ST8SIA1: variants seen among roughly 807,000 people sequenced by gnomAD.
ST8SIA1 encodes the protein ST8 alpha-N-acetyl-neuraminide alpha-2,8-sialyltransferase 1.
ST8SIA1 carries 16 observed loss-of-function variants against 35.9 expected under a neutral mutation model. That is an observed-to-expected ratio of 0.45 (90% CI 0.30 to 0.68). The LOEUF is 0.68. ST8SIA1 is among the 30% of genes least tolerant of loss of function. The probability of loss-of-function intolerance (pLI) is 0.09; values close to 1 mark genes in which losing one functional copy is unlikely to be tolerated. For missense variants in ST8SIA1, 383 were observed against 453.6 expected, an observed-to-expected ratio of 0.84 and a Z score of 1.41; for synonymous variants, 170 against 169.6, an observed-to-expected ratio of 1.00 and a Z score of -0.02.
In ST8SIA1 at chr12:22,201,534, T is replaced by G. The variant is rs1261981072; in HGVS notation, c.*18A>C. On this transcript the variant is annotated 3_prime_UTR_variant, in exon 5 of 5. Transcript: ENST00000396037. Reference sequence around the variant, plus strand: ...TAACAAAAATACCCTGGTTCAGTCCTTTCTTCTTCCATTGTTCCTAGGAAG... The same window carrying G: ...TAACAAAAATACCCTGGTTCAGTCCGTTCTTCTTCCATTGTTCCTAGGAAG... The G allele has an allele frequency of 6.3e-7, 1 of 1,581,140 alleles. No homozygotes were observed. Among genetic ancestry groups the G allele is most frequent in the African/African-American group, 1.4e-5 (1 of 74,012 alleles).
chr12:22,244,990 C>A (rs1865583563), intron 4 of ST8SIA1, among the ~76,000 whole-genome samples: 1 of 152,184 alleles, frequency 6.6e-6, no homozygotes, highest in South Asian at 2.1e-4. Flanking sequence ...TTCTCTTTCA[C>A]TGCTCAGTTG....
intron 4 of ST8SIA1, among the ~76,000 whole-genome samples, chr12:22,205,254 C>G (rs1451325623): frequency 6.6e-6 from 1 of 151,912 alleles, no homozygotes; most frequent in Non-Finnish European, 1.5e-5. Flanking sequence ...TAACGTAGCT[C>G]AGAATATTTG....
chr12:22,243,952 A>T (rs1016121444), intron 4 of ST8SIA1, among the ~76,000 whole-genome samples: 6 of 151,784 alleles, frequency 4.0e-5, no homozygotes, highest in Non-Finnish European at 8.8e-5. Context: ...AATCTCTTGA[A>T]CCGGGAGGCA....
intron 1 of ST8SIA1, among the ~76,000 whole-genome samples, chr12:22,305,810 T>A (rs1055388182): frequency 4.6e-5 from 7 of 152,248 alleles, no homozygotes; most frequent in Non-Finnish European, 7.3e-5. Flanking sequence ...GAATGATCTT[T>A]GCTTGGGTAA....
intron 1 of ST8SIA1, among the ~76,000 whole-genome samples, chr12:22,303,639 C>T (rs978607689): frequency 3.9e-5 from 6 of 151,992 alleles, no homozygotes; most frequent in Non-Finnish European, 8.8e-5. Flanking sequence ...TTTTGTTTTG[C>T]TTAACTGTTT....
At chr12:22,284,161 T>C (rs1866067705) in intron 2 of ST8SIA1, among the ~76,000 whole-genome samples, 1 of 147,278 alleles carries the variant, frequency 6.8e-6, no homozygotes, top group South Asian at 2.2e-4. Context: ...ACACTGCATC[T>C]TTGTACCAAC....
At chr12:22,305,729 T>C (rs1384915270) in intron 1 of ST8SIA1, among the ~76,000 whole-genome samples, 2 of 152,166 alleles carry the variant, frequency 1.3e-5, no homozygotes, top group African/African-American at 2.4e-5. Flanking sequence ...CTCATACTTA[T>C]CCCTGGCAAA....
intron 4 of ST8SIA1, among the ~76,000 whole-genome samples, chr12:22,242,934 C>T (rs774288207): frequency 1.2e-4 from 19 of 152,158 alleles, no homozygotes; most frequent in Non-Finnish European, 2.2e-4. Flanking sequence ...TCTTTTTGTT[C>T]TGGGTACTGT....
chr12:22,275,781 T>C (rs1865962132), intron 2 of ST8SIA1, among the ~76,000 whole-genome samples: 1 of 152,216 alleles, frequency 6.6e-6, no homozygotes, highest in African/African-American at 2.4e-5. Context: ...GGAAACCAGA[T>C]GGGGCTCAGT....
At chr12:22,289,003 C>T (rs1866141562) in intron 1 of ST8SIA1, among the ~76,000 whole-genome samples, 1 of 152,172 alleles carries the variant, frequency 6.6e-6, no homozygotes, top group South Asian at 2.1e-4. Flanking sequence ...GCCTCAGCCT[C>T]TCAAATGGTT....
At chr12:22,321,076 C>A (rs116283443) in intron 1 of ST8SIA1, among the ~76,000 whole-genome samples, 1 of 150,372 alleles carries the variant, frequency 6.7e-6, no homozygotes, top group Non-Finnish European at 1.5e-5. Context: ...GCAGAATCAA[C>A]CAGACACCAG....
intron 1 of ST8SIA1, among the ~76,000 whole-genome samples, chr12:22,311,099 G>A (rs1866444258): frequency 6.6e-6 from 1 of 152,122 alleles, no homozygotes. Flanking sequence ...AACAGGCAGG[G>A]CATCCAGGTA....
At chr12:22,252,958 C>A (rs1304318986) in intron 3 of ST8SIA1, among the ~76,000 whole-genome samples, 11 of 152,196 alleles carry the variant, frequency 7.2e-5, no homozygotes, top group Non-Finnish European at 2.9e-5. Context: ...GAGTTGAATA[C>A]TACGTATTCC....
intron 2 of ST8SIA1, among the ~76,000 whole-genome samples, chr12:22,265,418 G>A (rs984257636): frequency 1.7e-4 from 26 of 152,168 alleles, no homozygotes; most frequent in African/African-American, 6.0e-4. Flanking sequence ...AATACAGAAA[G>A]CACATCTTCA....
At chr12:22,303,879 C>CACACACACACAT (rs1866349936) in intron 1 of ST8SIA1, among the ~76,000 whole-genome samples, 1 of 149,670 alleles carries the variant, frequency 6.7e-6, no homozygotes, top group African/African-American at 2.5e-5. Flanking sequence ...CACACACACA[C>CACACACACACAT]ACACACACAA....
intron 2 of ST8SIA1, among the ~76,000 whole-genome samples, chr12:22,275,580 G>A (rs1865959897): frequency 6.6e-6 from 1 of 152,184 alleles, no homozygotes. Context: ...AGGAGCTGGA[G>A]GAAGCAGATG....
At chr12:22,243,108 A>G (rs1457425030) in intron 4 of ST8SIA1, among the ~76,000 whole-genome samples, 1 of 152,156 alleles carries the variant, frequency 6.6e-6, no homozygotes, top group Non-Finnish European at 1.5e-5. Flanking sequence ...TGCCTCTCAC[A>G]TATGTATGCT....
chr12:22,258,990 C>G (rs1865756767), intron 2 of ST8SIA1, among the ~76,000 whole-genome samples: 1 of 152,206 alleles, frequency 6.6e-6, no homozygotes, highest in Non-Finnish European at 1.5e-5. Context: ...TCTAACCTCA[C>G]ACAGGCTTTC....
Position 22,334,116 on chromosome 12 carries a change from G to C in ST8SIA1, c.117C>G (p.Val39=), listed in dbSNP as rs1237193494. 1.2e-6 allele frequency: 2 copies of C among 1,613,894 alleles called. No homozygotes were observed. The highest frequency in any genetic ancestry group is 2.2e-5 in the East Asian group (1 of 44,852). The change falls in exon 1 of 5, where the codon GTC becomes GTG. Residue 39 remains valine (V), a synonymous_variant. Transcript: ENST00000396037. ...PMGASALCVV[V]LCWLYIFPVY... ...CGGGGAAGATGTAGAGCCAACAGAG[G>C]ACCACGACACAGAGGGCACTGGCTC...
Sources: allele counts gnomAD v4.1 joint callset (sites outside exome capture counted in the v4.1 genomes callset), GRCh38; gene constraint gnomAD v4.1.1; transcripts MANE v1.5; gene names NCBI Gene and HGNC (gene_info 2026-07-23, HGNC 2026-07-21).